The following ATRX variants were observed in gnomAD, a reference collection of about 807,000 sequenced individuals.
ATRX encodes the protein chromatin remodeler ATRX.
ATRX carries 12 observed loss-of-function variants against 172.6 expected under a neutral mutation model. The ratio of observed to expected loss-of-function variants is 0.07; its 90% CI spans 0.04 to 0.11. The LOEUF (loss-of-function observed/expected upper bound fraction) is 0.11, where lower values mean the gene tolerates loss of function less well. Among genes scored for constraint, ATRX ranks in the 10% least tolerant of loss-of-function variants. ATRX has a pLI of 1.00. For synonymous variants in ATRX, 674 were observed against 594.7 expected (o/e 1.13, Z -1.94); for missense variants, 1,368 against 1,767.4 (o/e 0.77, Z 4.05).
intron 30 of ATRX, among the ~76,000 whole-genome samples, chrX:77,547,116 T>C (rs1557053700): frequency 8.9e-6 from 1 of 111,958 alleles, no homozygotes. Flanking sequence ...ATTTATTAAA[T>C]GAGCATTTAT....
chrX:77,671,167 A>AAATATATATAT lies in ATRX; in HGVS notation c.3809+5058_3809+5059insATATATATATT, dbSNP rs1424480831. The stretch of plus-strand genomic sequence containing the variant: ...TGTCTCAAAAAAAAAAAAAAAAAAA[A>AAATATATATAT]ATATATATATATATATATATATATA... On this transcript the variant is annotated intron_variant, in intron 10 of 34. Transcript: ENST00000373344. Among the ~76,000 whole-genome samples, 24 of 15,737 alleles carry AAATATATATAT rather than the reference A, an allele frequency of 1.5e-3. 1 individual carries two copies. The highest frequency in any genetic ancestry group is 3.6e-3 in the African/African-American group (17 of 4,676). 13.7% of individuals were successfully genotyped at this position (15,737 alleles called of 115,157 possible). A position where few individuals can be genotyped will look rare whatever the true frequency, so the allele number is the denominator to read the frequency against.
chrX:77,652,558 T>C (rs1478107374), intron 14 of ATRX, among the ~76,000 whole-genome samples: 4 of 107,035 alleles, frequency 3.7e-5, no homozygotes, highest in African/African-American at 1.4e-4. Context: ...TCCCAGCACT[T>C]TGGGAGGCCG....
intron 1 of ATRX, among the ~76,000 whole-genome samples, chrX:77,741,698 G>A (rs2074879582): frequency 9.0e-6 from 1 of 111,404 alleles, no homozygotes; most frequent in Non-Finnish European, 1.9e-5. Flanking sequence ...CTGACCTCAA[G>A]TGATCCACCC....
intron 15 of ATRX, among the ~76,000 whole-genome samples, chrX:77,643,599 G>C (rs1243121165): frequency 1.8e-5 from 2 of 110,660 alleles, no homozygotes; most frequent in Non-Finnish European, 3.8e-5. Context: ...CTTTATTTTT[G>C]TAGAAACAGG....
chrX:77,764,666 T>C (rs2075844418), intron 1 of ATRX, among the ~76,000 whole-genome samples: 2 of 111,808 alleles, frequency 1.8e-5, no homozygotes, highest in African/African-American at 6.5e-5. Context: ...TTTACTCCTT[T>C]TTTCCCTCCA....
chrX:77,736,777 T>C (rs1016971688), intron 1 of ATRX, among the ~76,000 whole-genome samples: 2 of 112,137 alleles, frequency 1.8e-5, no homozygotes, highest in East Asian at 2.8e-4. Context: ...CCCATGTTTA[T>C]TACAGCACTG....
In ATRX at chrX:77,648,883, A is replaced by C. The variant is rs781859496; in HGVS notation, c.4557+3231T>G. On this transcript the variant is annotated intron_variant, in intron 15 of 34. Coordinates refer to ENST00000373344, the MANE Select transcript of ATRX (RefSeq NM_000489.6). ...AGTTCTACATGTATTAAAGAAATGG[A>C]ATATGCCAGGTGTGGAGGCTCCCTA... Among the ~76,000 whole-genome samples, 6 of 111,865 alleles carry C rather than the reference A, an allele frequency of 5.4e-5. No homozygotes were observed. The South Asian group carries it at 2.2e-3, about 42-fold the overall frequency.
At chrX:77,569,485 A>G (rs2065328298) in intron 28 of ATRX, among the ~76,000 whole-genome samples, 1 of 111,583 alleles carries the variant, frequency 9.0e-6, no homozygotes, top group African/African-American at 3.3e-5. Flanking sequence ...CCTTGTGGAT[A>G]GTACAATGAT....
intron 20 of ATRX, 90 bp from the exon 21 acceptor site, chrX:77,619,071 A>T (rs1156461465): frequency 8.2e-6 from 5 of 609,996 alleles, no homozygotes; most frequent in Non-Finnish European, 1.3e-5. Flanking sequence ...TGTCAAAAAC[A>T]CATGCATTAG....
intron 30 of ATRX, among the ~76,000 whole-genome samples, chrX:77,554,950 C>G (rs1269736730): frequency 2.7e-5 from 3 of 111,817 alleles, no homozygotes; most frequent in African/African-American, 9.8e-5. Context: ...TTTTAAAAAG[C>G]AGGCACGTCC....
chrX:77,540,409 G>C (rs1265792134), intron 30 of ATRX, among the ~76,000 whole-genome samples: 6 of 111,381 alleles, frequency 5.4e-5, no homozygotes, highest in African/African-American at 2.0e-4. Context: ...ACAGATCAAT[G>C]AGAGAAAATT....
At chrX:77,575,253 A>G (rs3027540) in intron 27 of ATRX, among the ~76,000 whole-genome samples, 7,455 of 110,405 alleles carry the variant, frequency 0.068, 273 homozygotes, top group African/African-American at 0.14. Flanking sequence ...GTTAAAAAAA[A>G]GATGCTTTTC....
intron 19 of ATRX, among the ~76,000 whole-genome samples, chrX:77,621,849 A>G (rs2067596815): frequency 9.2e-6 from 1 of 109,262 alleles, no homozygotes; most frequent in Non-Finnish European, 1.9e-5. Flanking sequence ...AGTAAAAAAA[A>G]ACAACAACAA....
At chrX:77,543,957 A>AATAT (rs368971356) in intron 30 of ATRX, among the ~76,000 whole-genome samples, 1 of 103,727 alleles carries the variant, frequency 9.6e-6, no homozygotes, top group Non-Finnish European at 2.0e-5. Flanking sequence ...TAGAATATTA[A>AATAT]ATATATATAT....
At chrX:77,541,472 G>A (rs782467896) in intron 30 of ATRX, among the ~76,000 whole-genome samples, 1 of 111,775 alleles carries the variant, frequency 8.9e-6, no homozygotes, top group South Asian at 3.8e-4. Flanking sequence ...ATTTTATGAG[G>A]CCAGCATCCT....
chrX:77,521,540 A>G, intron 32 of ATRX, 42 bp from the exon 33 acceptor site: 1 of 1,022,160 alleles, frequency 9.8e-7, no homozygotes, highest in South Asian at 1.9e-5. Flanking sequence ...GCAGAAAGAC[A>G]GCATAGTGTT....
rs1412761039 is a variant in ATRX at position 77,752,142 on chromosome X, C to T, written c.20+33840G>A. On this transcript the variant is annotated intron_variant, in intron 1 of 34. Coordinates refer to ENST00000373344, the MANE Select transcript of ATRX (RefSeq NM_000489.6). The stretch of plus-strand genomic sequence containing the variant: ...CATGGAATGTTTTTCCATTTGTTTG[C>T]GTCCTTATTTCCTCAAGCAGTGGTT... 7.2e-5 allele frequency among the ~76,000 whole-genome samples: 8 copies of T among 111,578 alleles called. No individual in the cohort carries two copies. The East Asian group carries it at 2.2e-3, about 31-fold the overall frequency.
At chrX:77,556,864 T>C (rs1324018604) in intron 30 of ATRX, among the ~76,000 whole-genome samples, 3 of 112,157 alleles carry the variant, frequency 2.7e-5, no homozygotes, top group Non-Finnish European at 5.6e-5. Context: ...CAGATATGAT[T>C]TGAAGACCAG....
At chrX:77,766,315 G>T (rs1368120900) in intron 1 of ATRX, among the ~76,000 whole-genome samples, 1 of 109,834 alleles carries the variant, frequency 9.1e-6, no homozygotes, top group Non-Finnish European at 1.9e-5. Context: ...GGCCGGGCGG[G>T]GGGCTGACCC....
Sources: allele counts gnomAD v4.1 joint callset (sites outside exome capture counted in the v4.1 genomes callset), GRCh38; gene constraint gnomAD v4.1.1; transcripts MANE v1.5; gene names NCBI Gene and HGNC (gene_info 2026-07-23, HGNC 2026-07-21).